The following ELAVL2 variants were observed in gnomAD, a reference collection of about 807,000 sequenced individuals.
ELAVL2 encodes the protein ELAV-like protein 2.
Under a neutral mutation model 34.6 loss-of-function variants are expected in ELAVL2, and 4 were observed. The observed-to-expected ratio is 0.12, with a 90% confidence interval of 0.06 to 0.26. ELAVL2 has a LOEUF of 0.26. Among genes scored for constraint, ELAVL2 ranks in the 10% least tolerant of loss-of-function variants. The pLI, the probability that ELAVL2 is intolerant of heterozygous loss-of-function variation, is 1.00. For missense variants in ELAVL2, 432 were observed against 442.8 expected, an observed-to-expected ratio of 0.98 and a Z score of 0.22; for synonymous variants, 193 against 154.8, an observed-to-expected ratio of 1.25 and a Z score of -1.83.
intron 3 of ELAVL2, among the ~76,000 whole-genome samples, chr9:23,721,807 TTTC>T (rs1222070650): frequency 2.0e-5 from 3 of 152,236 alleles, no homozygotes; most frequent in Admixed American, 6.5e-5. Context: ...CTCTTAACCT[TTTC>T]TTTTCTCTAG....
At chr9:23,802,281 A>T (rs895154331) in intron 1 of ELAVL2, among the ~76,000 whole-genome samples, 6 of 152,168 alleles carry the variant, frequency 3.9e-5, no homozygotes, top group Middle Eastern at 3.2e-3. Context: ...AGAGCGCTAT[A>T]AAAAATACAT....
rs1199688218 is a variant in ELAVL2, at chr9:23,721,974, G to A, written c.333+9048C>T. Among the ~76,000 whole-genome samples the A allele has an allele frequency of 3.3e-5, 5 of 152,180 alleles. No homozygotes were observed. In the East Asian group the frequency reaches 5.8e-4, roughly 18 times the overall value. On this transcript the variant is annotated intron_variant, in intron 3 of 6. Transcript: ENST00000397312. Reference sequence around the variant, plus strand: ...CAAAAGTTAGACTTTTTGCTATATGGGGGCTGCTACCCATAGCCCCCGAAT... The same window carrying A: ...CAAAAGTTAGACTTTTTGCTATATGAGGGCTGCTACCCATAGCCCCCGAAT...
intron 2 of ELAVL2, among the ~76,000 whole-genome samples, chr9:23,750,032 A>G (rs545813326): frequency 7.4e-5 from 4 of 54,054 alleles, no homozygotes; most frequent in Non-Finnish European, 1.3e-4. Context: ...TTAAAAAAGG[A>G]AAAAAAAAAA....
intron 1 of ELAVL2, among the ~76,000 whole-genome samples, chr9:23,792,269 A>G (rs1438601700): frequency 6.6e-6 from 1 of 152,180 alleles, no homozygotes; most frequent in African/African-American, 2.4e-5. Flanking sequence ...TGTTAAATGT[A>G]TTTTCTACTT....
chr9:23,836,373 T>C, the ELAVL2 span, among the ~76,000 whole-genome samples: 1 of 152,206 alleles, frequency 6.6e-6, no homozygotes, highest in African/African-American at 2.4e-5. Flanking sequence ...TTCCTGTAGA[T>C]GATATTTCTA....
intron 3 of ELAVL2, among the ~76,000 whole-genome samples, chr9:23,723,733 C>T (rs1440563945): frequency 6.6e-6 from 1 of 152,110 alleles, no homozygotes; most frequent in Non-Finnish European, 1.5e-5. Flanking sequence ...ATCTCTTCCT[C>T]AGCCTCCTTA....
chr9:23,696,487 G>A (rs376630410), intron 5 of ELAVL2, among the ~76,000 whole-genome samples: 1 of 152,190 alleles, frequency 6.6e-6, no homozygotes, highest in South Asian at 2.1e-4. Flanking sequence ...ATTTATTTTT[G>A]AGACGAAGTC....
the ELAVL2 span, among the ~76,000 whole-genome samples, chr9:23,840,059 C>A: frequency 6.6e-6 from 1 of 152,146 alleles, no homozygotes; most frequent in South Asian, 2.1e-4. Context: ...TCACGCAGAC[C>A]TGAATTCTGG....
At chr9:23,813,882 CT>C (rs74470761) in intron 1 of ELAVL2, among the ~76,000 whole-genome samples, 26,931 of 152,026 alleles carry the variant, frequency 0.18, 2,700 homozygotes, top group Admixed American at 0.27. Context: ...TGTCTTTACA[CT>C]TAACTTTTTA....
intron 6 of ELAVL2, 48 bp downstream of exon 6, chr9:23,693,400 A>C (rs1243956022): frequency 1.4e-5 from 23 of 1,610,552 alleles, no homozygotes; most frequent in Non-Finnish European, 2.0e-5. Flanking sequence ...CAAAGAAACC[A>C]ATCAACTGTG....
In ELAVL2 at chr9:23,747,924, T is replaced by A. The variant is rs552382697; in HGVS notation, c.229+14082A>T. Among the ~76,000 whole-genome samples, 69 of 151,786 alleles carry A rather than the reference T, an allele frequency of 4.5e-4. 1 individual carries two copies. In the East Asian group the frequency reaches 6.6e-3, roughly 15 times the overall value. ...GATATAAGACCTAAATTTTTTTTTT[T>A]AAAAAAAGGACTGTTCTACTCAGTA... On this transcript the variant is annotated intron_variant, in intron 2 of 6. Coordinates refer to ENST00000397312, the MANE Select transcript of ELAVL2 (RefSeq NM_004432.5).
At chr9:23,783,419 G>T (rs2059316884) in intron 1 of ELAVL2, 1 of 982,998 alleles carries the variant, frequency 1.0e-6, no homozygotes, top group Admixed American at 6.1e-5. Context: ...ACTTCAGAGA[G>T]CATGAAAAAC....
chr9:23,709,416 G>T (rs1055941438), intron 3 of ELAVL2, among the ~76,000 whole-genome samples: 1 of 151,970 alleles, frequency 6.6e-6, no homozygotes, highest in Non-Finnish European at 1.5e-5. Flanking sequence ...ACTAAATTTT[G>T]TATCTGACCA....
Position 23,762,711 on chromosome 9 carries a change from A to G in ELAVL2, c.-15-462T>C, listed in dbSNP as rs529694048. 2.6e-5 allele frequency among the ~76,000 whole-genome samples: 4 copies of G among 152,266 alleles called. No homozygotes were observed. In the East Asian group the frequency reaches 7.7e-4, roughly 29 times the overall value. On this transcript the variant is annotated intron_variant, in intron 1 of 6. Transcript: ENST00000397312. ...GTTATCCTAAGAGGTTCAATATTCT[A>G]AAACTGACAGATAGCCATTAACTTA...
intron 3 of ELAVL2, among the ~76,000 whole-genome samples, chr9:23,713,654 C>T (rs1171151476): frequency 6.6e-6 from 1 of 152,138 alleles, no homozygotes; most frequent in Non-Finnish European, 1.5e-5. Flanking sequence ...ATTTATTTAG[C>T]CACATAATAT....
upstream of ELAVL2, among the ~76,000 whole-genome samples, chr9:23,826,657 CTT>C (rs2065317242): frequency 6.6e-6 from 1 of 152,336 alleles, no homozygotes; most frequent in Admixed American, 6.5e-5. Context: ...CTCCTTTCCT[CTT>C]AAATCTTTCT....
At chr9:23,698,017 G>C (rs905059792) in intron 5 of ELAVL2, among the ~76,000 whole-genome samples, 1 of 152,010 alleles carries the variant, frequency 6.6e-6, no homozygotes, top group Non-Finnish European at 1.5e-5. Flanking sequence ...GATTGATACC[G>C]GTTTCTTCCA....
rs143889147 is a variant in ELAVL2, at chr9:23,774,021, C to G, written c.-15-11772G>C. Among the ~76,000 whole-genome samples, 173 of 151,716 alleles carry G rather than the reference C, an allele frequency of 1.1e-3. 1 individual carries two copies. Among genetic ancestry groups the G allele is most frequent in the African/African-American group, 4.1e-3 (169 of 41,410 alleles). On this transcript the variant is annotated intron_variant, in intron 1 of 6. Coordinates refer to ENST00000397312, the MANE Select transcript of ELAVL2 (RefSeq NM_004432.5). ...GGTCAGGATATCGAGACCACCCTGG[C>G]TAACACGGTGAAACCCCATCTCTAT...
chr9:23,791,197 G>A (rs2060280891), intron 1 of ELAVL2, among the ~76,000 whole-genome samples: 1 of 152,172 alleles, frequency 6.6e-6, no homozygotes, highest in Non-Finnish European at 1.5e-5. Flanking sequence ...TACAGACAGG[G>A]TAAATGGAAA....
Sources: allele counts gnomAD v4.1 joint callset (sites outside exome capture counted in the v4.1 genomes callset), GRCh38; gene constraint gnomAD v4.1.1; transcripts MANE v1.5; gene names NCBI Gene and HGNC (gene_info 2026-07-23, HGNC 2026-07-21).